The following TMEM132B variants were observed in gnomAD, a reference collection of about 807,000 sequenced individuals.
TMEM132B encodes transmembrane protein 132B.
TMEM132B carries 18 observed loss-of-function variants against 90.8 expected under a neutral mutation model. The observed-to-expected ratio is 0.20, with a 90% CI of 0.14 to 0.29. TMEM132B has a LOEUF of 0.29. Among genes scored for constraint, TMEM132B ranks in the 10% least tolerant of loss-of-function variants. TMEM132B has a pLI of 1.00. For synonymous variants in TMEM132B, 504 were observed against 523.3 expected (o/e 0.96, Z 0.50); for missense variants, 1,096 against 1,326.8 (o/e 0.83, Z 2.70).
At chr12:125,200,648 A>G (rs954420860) in intron 1 of TMEM132B, among the ~76,000 whole-genome samples, 6 of 152,218 alleles carry the variant, frequency 3.9e-5, no homozygotes, top group Admixed American at 3.9e-4. Flanking sequence ...GAAGATCTCT[A>G]GACATTTAAG....
Position 125,560,618 on chromosome 12 carries a change from C to T in TMEM132B, c.1294-23233C>T, listed in dbSNP as rs1267835700. ...CGGGTGGATCATGAGGTCAGGAGAT[C>T]GAGACCATCCTGGCTAATAAGGTGA... On this transcript the variant is annotated intron_variant, in intron 4 of 8. Coordinates refer to ENST00000682704, the MANE Select transcript of TMEM132B (RefSeq NM_001366854.1). Among the ~76,000 whole-genome samples the T allele has an allele frequency of 1.1e-4, 16 of 150,474 alleles. No individual in the cohort carries two copies. In the East Asian group the frequency reaches 1.4e-3, roughly 13 times the overall value.
chr12:125,260,461 C>A (rs1874537746), intron 1 of TMEM132B, among the ~76,000 whole-genome samples: 1 of 151,702 alleles, frequency 6.6e-6, no homozygotes, highest in Non-Finnish European at 1.5e-5. Context: ...AAGTGATTCT[C>A]CTGCCTCAGC....
chr12:125,584,996 T>C (rs536442543), intron 5 of TMEM132B: 13 of 152,326 alleles, frequency 8.5e-5, no homozygotes, highest in African/African-American at 2.9e-4. Flanking sequence ...AAACTTGGTC[T>C]CAGTATTGAA....
At chr12:125,574,424 G>A (rs975615557) in intron 4 of TMEM132B, among the ~76,000 whole-genome samples, 15 of 152,144 alleles carry the variant, frequency 9.9e-5, no homozygotes, top group African/African-American at 2.9e-4. Flanking sequence ...GATTCCCAAC[G>A]TGGAAGGAGT....
At chr12:125,236,877 A>G (rs972441857) in intron 1 of TMEM132B, among the ~76,000 whole-genome samples, 13 of 152,228 alleles carry the variant, frequency 8.5e-5, no homozygotes, top group Non-Finnish European at 1.6e-4. Context: ...ACCCCAAGAC[A>G]AAGATTTGGG....
intron 4 of TMEM132B, among the ~76,000 whole-genome samples, chr12:125,567,742 A>C (rs1250109825): frequency 6.6e-6 from 1 of 152,224 alleles, no homozygotes; most frequent in Non-Finnish European, 1.5e-5. Context: ...TGACAGCCAG[A>C]AGCTGTGTGA....
intron 2 of TMEM132B, among the ~76,000 whole-genome samples, chr12:125,391,841 A>G (rs1879032403): frequency 1.3e-5 from 2 of 151,968 alleles, no homozygotes; most frequent in South Asian, 2.1e-4. Context: ...ATCTCAACTC[A>G]CTGCAGCCTC....
chr12:125,625,538 A>ATT (rs1249193050), intron 5 of TMEM132B, among the ~76,000 whole-genome samples: 1 of 152,074 alleles, frequency 6.6e-6, no homozygotes, highest in African/African-American at 2.4e-5. Context: ...CATTGTATGG[A>ATT]TTTACCACAG....
At chr12:125,270,119 TG>T (rs1874798195) in intron 1 of TMEM132B, among the ~76,000 whole-genome samples, 1 of 149,124 alleles carries the variant, frequency 6.7e-6, no homozygotes, top group Non-Finnish European at 1.5e-5. Context: ...TTGTTGTGTG[TG>T]TGTGTGTGTG....
rs571182653 is a variant in TMEM132B, at chr12:125,235,284, C to T, written c.67+48418C>T. Among the ~76,000 whole-genome samples, 11 of 152,258 alleles carry T rather than the reference C, an allele frequency of 7.2e-5. No individual in the cohort carries two copies. The South Asian group carries it at 1.7e-3, about 23-fold the overall frequency. On this transcript the variant is annotated intron_variant, in intron 1 of 8. Transcript: ENST00000682704. ...CAAAGCTGGGACTAGCCTGGGAGTG[C>T]CAAATTATGATTTGGAACCTCCAAA...
chr12:125,617,863 T>C (rs967157400), intron 5 of TMEM132B, among the ~76,000 whole-genome samples: 1 of 152,090 alleles, frequency 6.6e-6, no homozygotes, highest in Non-Finnish European at 1.5e-5. Context: ...GGAGAGCTCT[T>C]TATCTGATTC....
At chr12:125,307,858 T>TACAAG (rs1876028981) in intron 1 of TMEM132B, among the ~76,000 whole-genome samples, 1 of 34,976 alleles carries the variant, frequency 2.9e-5, no homozygotes, top group Non-Finnish European at 5.7e-5. Context: ...ACTTATATAT[T>TACAAG]TATATATACT....
chr12:125,198,657 G>A lies in TMEM132B; in HGVS notation c.67+11791G>A, dbSNP rs115371877. Among the ~76,000 whole-genome samples the A allele has an allele frequency of 2.2e-3, 331 of 152,318 alleles. 1 individual carries two copies. Among genetic ancestry groups the A allele is most frequent in the African/African-American group, 7.6e-3 (314 of 41,574 alleles). ...TTTCTGGAACTGGAATTAGAACCAC[G>A]TTGCCAGAGAGGAGCAGAGGTTATT... On this transcript the variant is annotated intron_variant, in intron 1 of 8. Transcript: ENST00000682704.
At chr12:125,359,464 A>T (rs990522011) in intron 2 of TMEM132B, among the ~76,000 whole-genome samples, 1 of 152,086 alleles carries the variant, frequency 6.6e-6, no homozygotes, top group African/African-American at 2.4e-5. Flanking sequence ...TGTCAAAAAA[A>T]CCCCAGATCA....
intron 3 of TMEM132B, among the ~76,000 whole-genome samples, chr12:125,487,744 G>T (rs184268747): frequency 1.2e-3 from 179 of 152,238 alleles, no homozygotes; most frequent in African/African-American, 4.2e-3. Context: ...GGTGAACATC[G>T]AGGAGTGTCA....
At chr12:125,300,604 A>G (rs1875796678) in intron 1 of TMEM132B, among the ~76,000 whole-genome samples, 1 of 152,224 alleles carries the variant, frequency 6.6e-6, no homozygotes, top group Non-Finnish European at 1.5e-5. Flanking sequence ...TAGAGTGCCT[A>G]CTGTATACCA....
chr12:125,476,936 T>C (rs1455043617), intron 3 of TMEM132B, among the ~76,000 whole-genome samples: 1 of 152,208 alleles, frequency 6.6e-6, no homozygotes, highest in Non-Finnish European at 1.5e-5. Flanking sequence ...TGGTGGGCAG[T>C]GATTTTTGTG....
chr12:125,317,024 G>T (rs1196366304), intron 1 of TMEM132B, among the ~76,000 whole-genome samples: 1 of 152,154 alleles, frequency 6.6e-6, no homozygotes, highest in Non-Finnish European at 1.5e-5. Context: ...TGGTGAGAGG[G>T]CTGGAAGCAG....
chr12:125,480,357 A>C (rs578047417), intron 3 of TMEM132B, among the ~76,000 whole-genome samples: 1 of 152,090 alleles, frequency 6.6e-6, no homozygotes, highest in Admixed American at 6.6e-5. Flanking sequence ...TTGATAGACC[A>C]CTAGCAAGAC....
Sources: allele counts gnomAD v4.1 joint callset (sites outside exome capture counted in the v4.1 genomes callset), GRCh38; gene constraint gnomAD v4.1.1; transcripts MANE v1.5; gene names NCBI Gene and HGNC (gene_info 2026-07-23, HGNC 2026-07-21).